MAMDC2: variants seen among roughly 807,000 people sequenced by gnomAD.
MAMDC2 encodes MAM domain-containing protein 2.
Under a neutral mutation model 89.8 loss-of-function variants are expected in MAMDC2, and 57 were observed. That is an observed-to-expected ratio of 0.63 (90% CI 0.51 to 0.79). The LOEUF (loss-of-function observed/expected upper bound fraction) is 0.79, where lower values mean the gene tolerates loss of function less well. MAMDC2 is among the 30% of genes least tolerant of loss of function. The pLI is 0.00. For synonymous variants in MAMDC2, 313 were observed against 293.4 expected (o/e 1.07, Z -0.68); for missense variants, 800 against 820.6 (o/e 0.97, Z 0.31).
chr9:70,131,187 T>A (rs1057197595), intron 6 of MAMDC2, among the ~76,000 whole-genome samples: 2 of 152,114 alleles, frequency 1.3e-5, no homozygotes, highest in African/African-American at 4.8e-5. Flanking sequence ...ACCTCACTTA[T>A]AAGGGTACCA....
At chr9:70,066,013 G>C (rs1010646595) in intron 2 of MAMDC2, among the ~76,000 whole-genome samples, 3 of 152,280 alleles carry the variant, frequency 2.0e-5, no homozygotes, top group African/African-American at 4.8e-5. Flanking sequence ...ATGAAACAAA[G>C]TTCCGACTCT....
At chr9:70,092,265 A>C (rs893493095) in intron 2 of MAMDC2, 4 of 152,188 alleles carry the variant, frequency 2.6e-5, no homozygotes, top group African/African-American at 7.2e-5. Context: ...GGAGGTGTGT[A>C]GGCTTTACTG....
intron 11 of MAMDC2, among the ~76,000 whole-genome samples, chr9:70,212,484 G>A (rs185043990): frequency 6.6e-6 from 1 of 152,236 alleles, no homozygotes; most frequent in African/African-American, 2.4e-5. Flanking sequence ...GAAAAGTGCA[G>A]TATTAGAGTG....
chr9:70,117,130 T>A (rs2030041952), intron 5 of MAMDC2, among the ~76,000 whole-genome samples: 1 of 152,248 alleles, frequency 6.6e-6, no homozygotes, highest in Admixed American at 6.5e-5. Flanking sequence ...AGAATGACGC[T>A]TCTTCATTGA....
chr9:70,099,744 G>A (rs1241632086), intron 2 of MAMDC2, among the ~76,000 whole-genome samples: 1 of 152,180 alleles, frequency 6.6e-6, no homozygotes, highest in Non-Finnish European at 1.5e-5. Context: ...GGAGGCCGAG[G>A]CGGGTGGATC....
chr9:70,091,268 A>C (rs1239074143), intron 2 of MAMDC2, among the ~76,000 whole-genome samples: 1 of 152,006 alleles, frequency 6.6e-6, no homozygotes, highest in Admixed American at 6.6e-5. Flanking sequence ...GGTTTTTGCC[A>C]CCCTCTTTTC....
chr9:70,163,434 G>A (rs926528454), intron 9 of MAMDC2, among the ~76,000 whole-genome samples: 1 of 151,474 alleles, frequency 6.6e-6, no homozygotes, highest in South Asian at 2.1e-4. Context: ...CGCAATGTTG[G>A]CCAGGCTGGT....
Position 70,126,352 on chromosome 9 carries a change from C to T in MAMDC2, c.837C>T (p.Asp279=). The part of the protein sequence containing the change: ...AGLYEEIWKA[D]RPGNAAWNLA... ...TTTACGAGGAAATCTGGAAAGCAGA[C>T]AGGCCAGGGAATGCTGCCTGGAACC... Residue 279 remains aspartate (D), a synonymous_variant, in exon 6 of 14, where the codon GAC becomes GAT. Coordinates refer to ENST00000377182, the MANE Select transcript of MAMDC2 (RefSeq NM_153267.5). The T allele has an allele frequency of 6.2e-7, 1 of 1,614,138 alleles. No homozygotes were observed. The highest frequency in any genetic ancestry group is 8.5e-7 in the Non-Finnish European group (1 of 1,180,000).
At chr9:70,048,335 C>T (rs1275495800) in intron 2 of MAMDC2, among the ~76,000 whole-genome samples, 2 of 152,144 alleles carry the variant, frequency 1.3e-5, no homozygotes, top group Non-Finnish European at 2.9e-5. Context: ...AGTCCAATGG[C>T]GTGACCTCGG....
intron 2 of MAMDC2, among the ~76,000 whole-genome samples, chr9:70,084,345 T>C (rs1419928591): frequency 6.6e-6 from 1 of 152,090 alleles, no homozygotes; most frequent in Non-Finnish European, 1.5e-5. Flanking sequence ...AAAGAATAAC[T>C]AATGCCATGA....
At chr9:70,166,038 C>T (rs770959776) in intron 9 of MAMDC2, among the ~76,000 whole-genome samples, 2 of 151,840 alleles carry the variant, frequency 1.3e-5, no homozygotes, top group Non-Finnish European at 2.9e-5. Context: ...GTCAGGTGTT[C>T]GAGACCAGCC....
chr9:70,044,822 G>A lies in MAMDC2; in HGVS notation c.148+125G>A, dbSNP rs904316837. On this transcript the variant is annotated intron_variant, in intron 2 of 13. Coordinates refer to ENST00000377182, the MANE Select transcript of MAMDC2 (RefSeq NM_153267.5). ...CGCGGCAAGAAAAGTGTGAGTCATG[G>A]ATCCTCCTTCAAGCCCTCAGCTGTG... 5.1e-6 allele frequency: 4 copies of A among 788,340 alleles called. No homozygotes were observed. In the African/African-American group the frequency reaches 5.1e-5, roughly 10 times the overall value. The allele number at this position is 788,340 out of a possible 1,614,324, so 48.8% of individuals were successfully genotyped here. A position where few individuals can be genotyped will look rare whatever the true frequency, so the allele number is the denominator to read the frequency against.
At chr9:70,131,696 T>TG in intron 7 of MAMDC2, 84 bp downstream of exon 7, 1 of 960,880 alleles carries the variant, frequency 1.0e-6, no homozygotes, top group Non-Finnish European at 1.6e-6. Context: ...TTAATTGCTT[T>TG]TAATTTTCAT....
chr9:70,185,890 G>A lies in MAMDC2; in HGVS notation c.1651+15259G>A, dbSNP rs142916193. On this transcript the variant is annotated intron_variant, in intron 11 of 13. Coordinates refer to ENST00000377182, the MANE Select transcript of MAMDC2 (RefSeq NM_153267.5). The stretch of plus-strand genomic sequence containing the variant: ...AGCTCCCTTTCCAGGAAAGTGAACG[G>A]TTCTGTCCTGCTGGGGTTCTAGGCA... 5.6e-3 allele frequency among the ~76,000 whole-genome samples: 846 copies of A among 152,278 alleles called. 7 individuals are homozygous for A. Among genetic ancestry groups the A allele is most frequent in the African/African-American group, 0.019 (798 of 41,544 alleles).
At chr9:70,206,281 T>C (rs1464464342) in intron 11 of MAMDC2, among the ~76,000 whole-genome samples, 7 of 152,206 alleles carry the variant, frequency 4.6e-5, no homozygotes, top group Admixed American at 4.6e-4. Flanking sequence ...GTTATAATTG[T>C]TCTATTTTAT....
At chr9:70,112,853 T>C (rs1828546128) in intron 4 of MAMDC2, 142 bp from the exon 5 acceptor site, 1 of 951,916 alleles carries the variant, frequency 1.1e-6, no homozygotes, top group Admixed American at 2.3e-5. Context: ...TGGCCAAAAT[T>C]GTGCAGGGGT....
intron 2 of MAMDC2, among the ~76,000 whole-genome samples, chr9:70,055,623 A>T (rs1262631560): frequency 6.6e-6 from 1 of 152,184 alleles, no homozygotes; most frequent in Non-Finnish European, 1.5e-5. Context: ...GGCCCCACCT[A>T]CAACTAGTGT....
At chr9:70,106,559 C>T (rs1277718516) in intron 2 of MAMDC2, among the ~76,000 whole-genome samples, 1 of 152,184 alleles carries the variant, frequency 6.6e-6, no homozygotes, top group East Asian at 1.9e-4. Context: ...TTAGAATAGT[C>T]AAACCCAACA....
At chr9:70,097,794 G>A (rs1384912509) in intron 2 of MAMDC2, among the ~76,000 whole-genome samples, 1 of 152,088 alleles carries the variant, frequency 6.6e-6, no homozygotes, top group Non-Finnish European at 1.5e-5. Context: ...TACCTCTTGG[G>A]TCTCATTCAT....
Sources: gnomAD v4.1 joint callset for allele counts (sites outside exome capture counted in the v4.1 genomes callset) on GRCh38, gnomAD v4.1.1 for gene constraint, MANE v1.5 for transcripts, NCBI Gene and HGNC (gene_info 2026-07-23, HGNC 2026-07-21) for gene names.